Variants in GOLGA3 observed in about 807,000 individuals in gnomAD.
GOLGA3 encodes golgin A3.
A neutral mutation model predicts 169.4 loss-of-function variants in GOLGA3; 75 were observed. The ratio of observed to expected loss-of-function variants is 0.44; its 90% CI spans 0.37 to 0.54. The LOEUF (loss-of-function observed/expected upper bound fraction) is 0.54. Ranked by LOEUF, GOLGA3 falls within the 20% of genes least tolerant of loss-of-function variation. The probability of loss-of-function intolerance (pLI) is 0.00; values close to 1 mark genes in which losing one functional copy is unlikely to be tolerated. For synonymous variants in GOLGA3, 824 were observed against 822.4 expected (o/e 1.00, Z -0.03); for missense variants, 1,899 against 1,930.0 (o/e 0.98, Z 0.30).
Position 132,777,644 on chromosome 12 carries a change from C to A in GOLGA3, c.3722+22G>T, listed in dbSNP as rs557235010. 1 of 1,612,870 alleles carries A rather than the reference C, an allele frequency of 6.2e-7. No individual in the cohort carries two copies. Among genetic ancestry groups the A allele is most frequent in the South Asian group, 1.1e-5 (1 of 90,992 alleles). On this transcript the variant is annotated intron_variant, in intron 19 of 23. Coordinates refer to ENST00000450791, the MANE Select transcript of GOLGA3 (RefSeq NM_001389683.1). The surrounding 1 kb of genome is among the most constrained non-coding windows in gnomAD (Gnocchi z 4.7). ...TTGCCAGGACAGCCATGTTTGAGGG[C>A]TGGCGGGGCCCAGGCACTCACTGAA...
In GOLGA3 at chr12:132,816,621, C is replaced by T; in HGVS notation, c.325G>A (p.Gly109Arg). The T allele has an allele frequency of 1.2e-6, 2 of 1,614,080 alleles. No individual in the cohort carries two copies. The highest frequency in any genetic ancestry group is 2.2e-5 in the South Asian group (2 of 91,084). ...GFHDNLRKSQ[G>R]TSAEGSVRKE... is the part of the protein sequence containing the mutation. Reference sequence around the variant, plus strand: ...CTAACACTGCCCTCAGCACTAGTTCCCTGAGACTTCCTTAGGTTGTCATGG... The same window carrying T: ...CTAACACTGCCCTCAGCACTAGTTCTCTGAGACTTCCTTAGGTTGTCATGG... Residue 109 changes from glycine to arginine, a missense_variant, in exon 3 of 24, where the codon GGA (glycine) becomes AGA (arginine). Transcript: ENST00000450791.
chr12:132,826,266 G>A (rs529955668), intron 1 of GOLGA3: 13 of 1,118,930 alleles, frequency 1.2e-5, no homozygotes, highest in Non-Finnish European at 1.5e-5. Flanking sequence ...AAAGAAACTG[G>A]AAGAGCAGCA....
At chr12:132,789,532 T>C (rs1000144524) in intron 12 of GOLGA3, among the ~76,000 whole-genome samples, 15 of 152,248 alleles carry the variant, frequency 9.9e-5, no homozygotes, top group African/African-American at 1.7e-4. Flanking sequence ...ACCGGCCTCA[T>C]AGACGTCTCC....
Position 132,822,197 on chromosome 12 carries a change from G to T in GOLGA3, c.-69C>A. ...TGAACCTTGGACAAGCTTGGCTTCTGCCATCAGCAACAGCCAAGAGCTCCT... is the reference window on the plus strand; with the variant it reads ...TGAACCTTGGACAAGCTTGGCTTCTTCCATCAGCAACAGCCAAGAGCTCCT... On this transcript the variant is annotated 5_prime_UTR_variant, in exon 2 of 24. Transcript: ENST00000450791. 1 of 1,532,282 alleles carries T rather than the reference G, an allele frequency of 6.5e-7. No homozygotes were observed. The allele number at this position is 1,532,282 out of a possible 1,614,324, so 94.9% of individuals were successfully genotyped here.
chr12:132,784,429 C>T, intron 15 of GOLGA3, 122 bp from the exon 16 acceptor site: 1 of 804,632 alleles, frequency 1.2e-6, no homozygotes, highest in Non-Finnish European at 2.0e-6. Flanking sequence ...CTGTCTGACA[C>T]AGTCTCACAA....
At chr12:132,775,419 AGAT>A (rs1358551971) in intron 21 of GOLGA3, 114 bp from the exon 22 acceptor site, 3 of 865,358 alleles carry the variant, frequency 3.5e-6, no homozygotes, top group Admixed American at 5.6e-5. Flanking sequence ...GGCGCCATCT[AGAT>A]GATGCCAGTC....
At chr12:132,814,935 C>T (rs760421647) in intron 3 of GOLGA3, among the ~76,000 whole-genome samples, 11 of 152,212 alleles carry the variant, frequency 7.2e-5, no homozygotes, top group Admixed American at 1.3e-4. Context: ...TGGCCTCATC[C>T]TTCCTAAGCC....
At position 132,807,127 on chromosome 12, in the gene GOLGA3, A is replaced by G. The variant is rs375646162; in HGVS notation, c.1290+50T>C. ...CTCGTACCCAACAGAGGAGCCACAC[A>G]TGCTTTCCGACTTCGCCGCACGCTG... On this transcript the variant is annotated intron_variant, in intron 6 of 23. Transcript: ENST00000450791. The G allele has an allele frequency of 3.8e-5, 43 of 1,125,330 alleles. No homozygotes were observed. In the African/African-American group the frequency reaches 5.2e-4, roughly 14 times the overall value. The allele number at this position is 1,125,330 out of a possible 1,614,324, so 69.7% of individuals were successfully genotyped here.
intron 18 of GOLGA3, among the ~76,000 whole-genome samples, chr12:132,780,275 G>A (rs1302561793): frequency 1.3e-5 from 2 of 152,162 alleles, no homozygotes; most frequent in South Asian, 2.1e-4. Flanking sequence ...TCTGTGCCAG[G>A]TATGGCGGAG....
chr12:132,777,207 A>C lies in GOLGA3; in HGVS notation c.3723-117T>G, dbSNP rs1047184563. 1 of 1,113,402 alleles carries C rather than the reference A, an allele frequency of 9.0e-7. No individual in the cohort carries two copies. The highest frequency in any genetic ancestry group is 1.3e-6 in the Non-Finnish European group (1 of 786,052). The allele number at this position is 1,113,402 out of a possible 1,614,324, so 69.0% of individuals were successfully genotyped here. On this transcript the variant is annotated intron_variant, in intron 19 of 23. Transcript: ENST00000450791. This position sits in a 1 kb window ranked among gnomAD's most constrained non-coding sequence, Gnocchi z 4.7. ...CGTCCTGGCAGGCCCTCTGCTGTGC[A>C]CTGCGTGCTGCAGCCATGCTTGGTG...
intron 15 of GOLGA3, among the ~76,000 whole-genome samples, chr12:132,785,408 T>C (rs2045843865): frequency 6.6e-6 from 1 of 152,202 alleles, no homozygotes; most frequent in South Asian, 2.1e-4. Context: ...CCTCCCAGGC[T>C]GAGGCGATCC....
chr12:132,825,891 G>T, intron 1 of GOLGA3: 7 of 962,456 alleles, frequency 7.3e-6, no homozygotes, highest in Non-Finnish European at 1.2e-5. Context: ...CCCTTCACTG[G>T]TGATGTCTCC....
Position 132,804,705 on chromosome 12 carries a change from G to T in GOLGA3, c.1597+11C>A. 1.2e-6 allele frequency: 2 copies of T among 1,602,546 alleles called. No individual in the cohort carries two copies. The highest frequency in any genetic ancestry group is 1.7e-6 in the Non-Finnish European group (2 of 1,171,620). ...TCAGGGAGGGGAGGGCGTGGCCAGG[G>T]CCAGCCTCACCTGTGTTGTCCTTGC... On this transcript the variant is annotated intron_variant, in intron 7 of 23. Coordinates refer to ENST00000450791, the MANE Select transcript of GOLGA3 (RefSeq NM_001389683.1). This position sits in a 1 kb window ranked among gnomAD's most constrained non-coding sequence, Gnocchi z 4.1.
In GOLGA3 at chr12:132,795,990, G is replaced by A. The variant is rs373890860; in HGVS notation, c.2331C>T (p.Ile777=). The A allele has an allele frequency of 2.3e-5, 37 of 1,613,662 alleles. No individual in the cohort carries two copies. The highest frequency in any genetic ancestry group is 6.7e-5 in the Admixed American group (4 of 60,024). ...TICLLQNEKI[I]LEAALQAAKS... ...TGGCCGCCTGCAAAGCCGCCTCCAA[G>A]ATGATCTTCTCGTTCTGCAGGAGGC... The change falls in exon 11 of 24, where the codon ATC becomes ATT. Residue 777 remains isoleucine, a synonymous_variant. Coordinates refer to ENST00000450791, the MANE Select transcript of GOLGA3 (RefSeq NM_001389683.1).
intron 6 of GOLGA3, among the ~76,000 whole-genome samples, chr12:132,806,235 AC>A (rs1398031382): frequency 1.3e-5 from 2 of 152,202 alleles, no homozygotes; most frequent in African/African-American, 4.8e-5. Flanking sequence ...CAACCGAAGG[AC>A]CAATCAGTGA....
chr12:132,804,452 A>T lies in GOLGA3; in HGVS notation c.1597+264T>A, dbSNP rs1949284904. Among the ~76,000 whole-genome samples, 1 of 152,216 alleles carries T rather than the reference A, an allele frequency of 6.6e-6. No homozygotes were observed. Among genetic ancestry groups the T allele is most frequent in the Admixed American group, 6.5e-5 (1 of 15,288 alleles). On this transcript the variant is annotated intron_variant, in intron 7 of 23. Transcript: ENST00000450791. This position sits in a 1 kb window ranked among gnomAD's most constrained non-coding sequence, Gnocchi z 4.1. ...CTCCTTATGTGTAAACTATAAACCA[A>T]TGCAACCCTCACAGGCACAGTCACA...
At chr12:132,786,671 C>T in intron 14 of GOLGA3, 22 bp downstream of exon 14, 3 of 1,579,708 alleles carry the variant, frequency 1.9e-6, no homozygotes, top group South Asian at 1.1e-5. Flanking sequence ...CCCGCACCTC[C>T]CCCGGGCACA....
intron 7 of GOLGA3, among the ~76,000 whole-genome samples, chr12:132,802,896 A>C (rs1940420069): frequency 6.6e-6 from 1 of 152,006 alleles, no homozygotes; most frequent in Non-Finnish European, 1.5e-5. Flanking sequence ...TCTCTAATAA[A>C]AATACAAAAT....
At chr12:132,814,847 G>A (rs1949884589) in intron 3 of GOLGA3, among the ~76,000 whole-genome samples, 1 of 152,214 alleles carries the variant, frequency 6.6e-6, no homozygotes, top group East Asian at 1.9e-4. Context: ...TTCATTGTAG[G>A]TGATGAAAGA....
Sources: allele counts gnomAD v4.1 joint callset (sites outside exome capture counted in the v4.1 genomes callset), GRCh38; gene constraint gnomAD v4.1.1; non-coding constraint Gnocchi (gnomAD v3.1); transcripts MANE v1.5; gene names NCBI Gene and HGNC (gene_info 2026-07-23, HGNC 2026-07-21).